BCR: variants seen among roughly 807,000 people sequenced by gnomAD.
BCR encodes breakpoint cluster region protein.
BCR carries 58 observed loss-of-function variants against 138.6 expected under a neutral mutation model. The observed-to-expected ratio is 0.42, with a 90% CI of 0.34 to 0.52. The LOEUF is 0.52. BCR is among the 20% of genes least tolerant of loss of function. The pLI, the probability that BCR is intolerant of heterozygous loss-of-function variation, is 0.06. For missense variants in BCR, 1,599 were observed against 1,727.2 expected (o/e 0.93, Z 1.32); for synonymous variants, 786 against 730.1 (o/e 1.08, Z -1.23).
In BCR at chr22:23,182,228, A is replaced by G; in HGVS notation, c.1268A>G (p.His423Arg). 6.4e-7 allele frequency: 1 copy of G among 1,570,092 alleles called. No homozygotes were observed. The highest frequency in any genetic ancestry group is 8.6e-7 in the Non-Finnish European group (1 of 1,161,562). The change falls in exon 1 of 23, where the codon CAT becomes CGT. Residue 423 changes from histidine to arginine, a missense_variant. Physicochemically the swap from His to Arg is conservative, Grantham distance 29. Around this residue, in one of 4 missense-constraint regions of BCR, gnomAD observed 806 missense variants for 635.0 expected, o/e 1.27. Coordinates refer to ENST00000305877, the MANE Select transcript of BCR (RefSeq NM_004327.4). ...IWPNDGEGAF[H>R]GDADGSFGTP... ...CCCAACGATGGCGAGGGCGCCTTCCATGGAGACGCAGGTGAGTTCCTCACG... is the reference window on the plus strand; with the variant it reads ...CCCAACGATGGCGAGGGCGCCTTCCGTGGAGACGCAGGTGAGTTCCTCACG...
intron 8 of BCR, among the ~76,000 whole-genome samples, chr22:23,282,490 G>C (rs1265553163): frequency 6.6e-6 from 1 of 152,246 alleles, no homozygotes; most frequent in Admixed American, 6.5e-5. Flanking sequence ...GTGACATGAA[G>C]CCTCCACCTC....
intron 1 of BCR, among the ~76,000 whole-genome samples, chr22:23,183,823 T>A (rs2072302789): frequency 6.6e-6 from 1 of 152,256 alleles, no homozygotes; most frequent in African/African-American, 2.4e-5. Flanking sequence ...GGGCCCAGCC[T>A]TTCCTACAGC....
chr22:23,240,784 A>G (rs1013049708), intron 1 of BCR, among the ~76,000 whole-genome samples: 5 of 152,178 alleles, frequency 3.3e-5, no homozygotes, highest in Admixed American at 6.5e-5. Flanking sequence ...GTCCATCTCC[A>G]GAACTTTTTC....
chr22:23,285,669 G>A (rs570743997), intron 10 of BCR, among the ~76,000 whole-genome samples: 1 of 152,232 alleles, frequency 6.6e-6, no homozygotes, highest in South Asian at 2.1e-4. Context: ...ACTTAACCTA[G>A]GCAAACACCT....
rs1365537896 is a variant in BCR at position 23,311,793 on chromosome 22, T to C, written c.3279T>C (p.Gly1093=). ...MEEVGIYRVS[G]VATDIQALKA... Reference sequence around the variant, plus strand: ...AGGTGGGCATCTACCGCGTGTCCGGTGTGGCCACGGACATCCAGGCACTGA... The same window carrying C: ...AGGTGGGCATCTACCGCGTGTCCGGCGTGGCCACGGACATCCAGGCACTGA... Residue 1093 remains glycine (G), a synonymous_variant, in exon 19 of 23, where the codon GGT becomes GGC. Transcript: ENST00000305877. 7 of 1,611,606 alleles carry C rather than the reference T, an allele frequency of 4.3e-6. No individual in the cohort carries two copies. The highest frequency in any genetic ancestry group is 5.9e-6 in the Non-Finnish European group (7 of 1,179,822).
rs535217364 is a variant in BCR, at chr22:23,317,102, G to A, written c.*1580G>A. 5.2e-6 allele frequency: 1 copy of A among 191,812 alleles called. No individual in the cohort carries two copies. The highest frequency in any genetic ancestry group is 2.1e-4 in the South Asian group (1 of 4,774). The allele number at this position is 191,812 out of a possible 1,614,324, so 11.9% of individuals were successfully genotyped here. The stretch of plus-strand genomic sequence containing the variant: ...CTGGCACCCGCTCCCAAGGTGGGAG[G>A]AGTGGGTGTCCCCTGTGTGTCAGTG... On this transcript the variant is annotated 3_prime_UTR_variant, in exon 23 of 23. Coordinates refer to ENST00000305877, the MANE Select transcript of BCR (RefSeq NM_004327.4).
chr22:23,290,934 G>A (rs896114576), intron 14 of BCR: 10 of 161,988 alleles, frequency 6.2e-5, no homozygotes, highest in Admixed American at 3.5e-4. Context: ...GAGGCCGGGC[G>A]CAGTGGCTCA....
rs112344332 is a variant in BCR at position 23,238,699 on chromosome 22, G to A, written c.1280-15100G>A. ...TCAGGCTGGCGTCCTGAACACCTGT[G>A]CATCCACAACCCCATAAGCCTTCCA... On this transcript the variant is annotated intron_variant, in intron 1 of 22. Transcript: ENST00000305877. Among the ~76,000 whole-genome samples the A allele has an allele frequency of 5.7e-3, 863 of 152,232 alleles. 7 individuals are homozygous for A. Among genetic ancestry groups the A allele is most frequent in the African/African-American group, 0.018 (765 of 41,522 alleles).
intron 16 of BCR, among the ~76,000 whole-genome samples, chr22:23,299,132 G>T: frequency 6.8e-6 from 1 of 146,820 alleles, no homozygotes; most frequent in Non-Finnish European, 1.5e-5. Context: ...GAGTAGCCGG[G>T]ACTACAGGCG....
rs752347734 is a variant in BCR at position 23,294,983 on chromosome 22, G to A, written c.2881-41G>A. On this transcript the variant is annotated intron_variant, in intron 15 of 22. Transcript: ENST00000305877. ...GACCCTTCAGCCATAACATTGACCC[G>A]TTTGTTCACACTGGACTTCCCTTCT... 35 of 1,608,124 alleles carry A rather than the reference G, an allele frequency of 2.2e-5. No homozygotes were observed. In the East Asian group the frequency reaches 2.9e-4, roughly 13 times the overall value.
intron 4 of BCR, chr22:23,263,381 C>A: frequency 8.0e-7 from 1 of 1,252,282 alleles, no homozygotes; most frequent in Non-Finnish European, 1.2e-6. Flanking sequence ...CGCGGCTCGG[C>A]ACCAACCTGA....
At chr22:23,267,286 A>G (rs143517046) in intron 4 of BCR, among the ~76,000 whole-genome samples, 235 of 152,198 alleles carry the variant, frequency 1.5e-3, no homozygotes, top group African/African-American at 5.4e-3. Flanking sequence ...GGAAGAACCT[A>G]GAATTGGAGG....
intron 2 of BCR, among the ~76,000 whole-genome samples, chr22:23,256,552 A>T (rs551370881): frequency 6.6e-6 from 1 of 152,188 alleles, no homozygotes; most frequent in African/African-American, 2.4e-5. Context: ...GTCTGTTGGT[A>T]ATGAAAACCT....
chr22:23,215,576 G>C (rs898046703), intron 1 of BCR, among the ~76,000 whole-genome samples: 3 of 152,216 alleles, frequency 2.0e-5, no homozygotes, highest in African/African-American at 7.2e-5. Context: ...GTGAGCCTCA[G>C]ATATGGTTCA....
intron 21 of BCR, 33 bp from the exon 22 acceptor site, chr22:23,314,519 T>G (rs1367991397): frequency 6.2e-7 from 1 of 1,611,318 alleles, no homozygotes; most frequent in East Asian, 2.2e-5. Context: ...GGGGTGGCGT[T>G]GAAACAGCAC....
At chr22:23,242,270 T>C (rs1176857949) in intron 1 of BCR, among the ~76,000 whole-genome samples, 2 of 152,160 alleles carry the variant, frequency 1.3e-5, no homozygotes, top group Non-Finnish European at 2.9e-5. Flanking sequence ...ATGAGGGGTG[T>C]AAACCTGGTG....
chr22:23,301,720 C>T (rs2073903872), intron 16 of BCR, among the ~76,000 whole-genome samples: 1 of 152,212 alleles, frequency 6.6e-6, no homozygotes, highest in African/African-American at 2.4e-5. Flanking sequence ...CTGATCTAGA[C>T]CATGAAGGCT....
intron 4 of BCR, among the ~76,000 whole-genome samples, chr22:23,267,362 T>C (rs1227721576): frequency 6.6e-6 from 1 of 152,144 alleles, no homozygotes; most frequent in Non-Finnish European, 1.5e-5. Context: ...GCTGCTACCC[T>C]TTCCTCGTAC....
At chr22:23,240,687 T>C (rs2146254622) in intron 1 of BCR, among the ~76,000 whole-genome samples, 1 of 152,082 alleles carries the variant, frequency 6.6e-6, no homozygotes, top group Middle Eastern at 3.4e-3. Flanking sequence ...AAAGAAAATA[T>C]ACATAACATG....
Sources: gnomAD v4.1 joint callset for allele counts (sites outside exome capture counted in the v4.1 genomes callset) on GRCh38, gnomAD v4.1.1 for gene constraint, gnomAD v4.1.1 regional missense constraint, MANE v1.5 for transcripts, NCBI Gene and HGNC (gene_info 2026-07-23, HGNC 2026-07-21) for gene names.